MGAT5: variants seen among roughly 807,000 people sequenced by gnomAD.
MGAT5 encodes the protein alpha-1,6-mannosylglycoprotein 6-beta-N-acetylglucosaminyltransferase A.
A neutral mutation model predicts 94.3 loss-of-function variants in MGAT5; 30 were observed. The observed-to-expected ratio is 0.32, with a 90% CI of 0.24 to 0.43. MGAT5 has a LOEUF of 0.43. Among genes scored for constraint, MGAT5 ranks in the 20% least tolerant of loss-of-function variants. The pLI is 1.00. For synonymous variants in MGAT5, 310 were observed against 322.9 expected (o/e 0.96, Z 0.43); for missense variants, 691 against 905.5 (o/e 0.76, Z 3.04).
intron 1 of MGAT5, among the ~76,000 whole-genome samples, chr2:134,145,214 CTGTGTGTGTG>C (rs59065013): frequency 1.0e-4 from 15 of 143,870 alleles, no homozygotes; most frequent in African/African-American, 3.1e-4. Context: ...GTCTCTCTCT[CTGTGTGTGTG>C]TGTGTGTGTG....
At chr2:134,368,143 T>C (rs1051782075) in intron 10 of MGAT5, among the ~76,000 whole-genome samples, 1 of 152,188 alleles carries the variant, frequency 6.6e-6, no homozygotes, top group African/African-American at 2.4e-5. Context: ...CCACTGCCAC[T>C]ACCCTGGAGG....
intron 9 of MGAT5, among the ~76,000 whole-genome samples, chr2:134,357,144 A>G (rs1679795605): frequency 6.6e-6 from 1 of 152,232 alleles, no homozygotes; most frequent in African/African-American, 2.4e-5. Context: ...TTAAACTAGA[A>G]TGAACAATAT....
Position 134,422,820 on chromosome 2 carries a change from T to G in MGAT5, c.1695T>G (p.Pro565=). 6.2e-7 allele frequency: 1 copy of G among 1,613,836 alleles called. No homozygotes were observed. The highest frequency in any genetic ancestry group is 8.5e-7 in the Non-Finnish European group (1 of 1,179,766). ...TTTTCCAGCTGACATCCCAGCATCC[T>G]TACGCTGAAGTTTTCATCGGGCGGC... ...PTLRELTSQH[P]YAEVFIGRPH... is the part of the protein sequence containing the mutation. The change falls in exon 13 of 16, where the codon CCT becomes CCG. Residue 565 remains proline, a synonymous_variant. Coordinates refer to ENST00000281923, the MANE Select transcript of MGAT5 (RefSeq NM_002410.5).
At chr2:134,348,079 G>T (rs769676529) in intron 8 of MGAT5, among the ~76,000 whole-genome samples, 12 of 152,166 alleles carry the variant, frequency 7.9e-5, no homozygotes, top group Non-Finnish European at 1.8e-4. Context: ...ATATATAGTG[G>T]CTCAAACCAC....
At chr2:134,386,577 G>A (rs987114223) in intron 10 of MGAT5, among the ~76,000 whole-genome samples, 4 of 152,216 alleles carry the variant, frequency 2.6e-5, no homozygotes, top group African/African-American at 9.7e-5. Flanking sequence ...GTCCAAGATG[G>A]CTGCTGAAGC....
intron 1 of MGAT5, among the ~76,000 whole-genome samples, chr2:134,202,672 G>A (rs988819221): frequency 6.6e-6 from 1 of 152,256 alleles, no homozygotes; most frequent in Non-Finnish European, 1.5e-5. Context: ...TTAGGGACTT[G>A]TGAGATAAGC....
At position 134,161,033 on chromosome 2, in the gene MGAT5, G is replaced by A. The variant is rs115387847; in HGVS notation, c.-143+40742G>A. ...CCGCGGCAGGCTCTGGCTTGAAGAA[G>A]TTAGGACAGCTGAAGGTGGTGGAAG... On this transcript the variant is annotated intron_variant, in intron 1 of 16. Coordinates refer to the MGAT5 transcript ENST00000409645. Among the ~76,000 whole-genome samples, 1,160 of 152,380 alleles carry A rather than the reference G, an allele frequency of 7.6e-3. 11 individuals are homozygous for A. Among genetic ancestry groups the A allele is most frequent in the African/African-American group, 0.026 (1,065 of 41,594 alleles).
intron 4 of MGAT5, among the ~76,000 whole-genome samples, chr2:134,325,197 G>T (rs1276079383): frequency 6.6e-6 from 1 of 151,936 alleles, no homozygotes; most frequent in African/African-American, 2.4e-5. Flanking sequence ...AAATCAGAAG[G>T]GCAAAGGACA....
intron 15 of MGAT5, among the ~76,000 whole-genome samples, chr2:134,446,860 GA>G (rs1685812331): frequency 6.6e-6 from 1 of 152,184 alleles, no homozygotes; most frequent in African/African-American, 2.4e-5. Flanking sequence ...GTGACATGCT[GA>G]GTTCCAGAAG....
intron 1 of MGAT5, among the ~76,000 whole-genome samples, chr2:134,240,374 C>A (rs529516902): frequency 7.6e-6 from 1 of 130,858 alleles, no homozygotes; most frequent in Non-Finnish European, 1.6e-5. Context: ...TTTTTTTTTA[C>A]TATTTGTATG....
rs1417943190 is a variant in MGAT5, at chr2:134,421,287, C to G, written c.1678-1516C>G. Among the ~76,000 whole-genome samples the G allele has an allele frequency of 3.9e-5, 6 of 152,126 alleles. No homozygotes were observed. The East Asian group carries it at 1.2e-3, about 29-fold the overall frequency. On this transcript the variant is annotated intron_variant, in intron 12 of 15. Transcript: ENST00000281923. ...ATAATTCAATGTATGTTTGAACTGT[C>G]AAAAAGTTAGATTCTGACTGGGCAT...
At chr2:134,410,972 G>T (rs570296101) in intron 11 of MGAT5, among the ~76,000 whole-genome samples, 1 of 152,276 alleles carries the variant, frequency 6.6e-6, no homozygotes, top group South Asian at 2.1e-4. Flanking sequence ...TGGAGAGCCG[G>T]CACATCCTCT....
upstream of MGAT5, among the ~76,000 whole-genome samples, chr2:134,250,463 C>T (rs1682528028): frequency 6.6e-6 from 1 of 152,214 alleles, no homozygotes; most frequent in South Asian, 2.1e-4. Context: ...TCCTGATGAT[C>T]TTCATTGTCA....
chr2:134,230,654 T>G (rs1172736728), intron 1 of MGAT5, among the ~76,000 whole-genome samples: 2 of 152,344 alleles, frequency 1.3e-5, no homozygotes, highest in African/African-American at 4.8e-5. Context: ...AAGAGACAAA[T>G]AAGTGTTGGC....
intron 1 of MGAT5, among the ~76,000 whole-genome samples, chr2:134,121,378 G>C (rs915337059): frequency 7.9e-5 from 12 of 152,356 alleles, no homozygotes; most frequent in African/African-American, 2.6e-4. Flanking sequence ...GGACGCTCGC[G>C]CATACACTTG....
chr2:134,247,103 A>G (rs955389654), intron 1 of MGAT5, among the ~76,000 whole-genome samples: 3 of 152,328 alleles, frequency 2.0e-5, no homozygotes, highest in Admixed American at 6.5e-5. Flanking sequence ...GGGAGTGGCT[A>G]TCATTTTAAA....
chr2:134,249,824 A>G (rs2105486324), upstream of MGAT5, among the ~76,000 whole-genome samples: 1 of 152,374 alleles, frequency 6.6e-6, no homozygotes, highest in African/African-American at 2.4e-5. Context: ...ATGTTTAACT[A>G]TTTGAGGTAC....
chr2:134,189,567 A>G (rs1280636682), intron 1 of MGAT5, among the ~76,000 whole-genome samples: 1 of 144,372 alleles, frequency 6.9e-6, no homozygotes, highest in Non-Finnish European at 1.5e-5. Flanking sequence ...TTATGCAATA[A>G]CATATGACTA....
intron 1 of MGAT5, among the ~76,000 whole-genome samples, chr2:134,190,731 A>C (rs894959185): frequency 2.0e-5 from 3 of 151,668 alleles, no homozygotes. Context: ...TGCAGCCTCA[A>C]CCTCCCCAGG....
Sources: gnomAD v4.1 joint callset for allele counts (sites outside exome capture counted in the v4.1 genomes callset) on GRCh38, gnomAD v4.1.1 for gene constraint, MANE v1.5 for transcripts, NCBI Gene and HGNC (gene_info 2026-07-23, HGNC 2026-07-21) for gene names.